ZFYVE26: variants seen among roughly 807,000 people sequenced by gnomAD.
ZFYVE26 encodes zinc finger FYVE-type containing 26.
In ZFYVE26, 181 loss-of-function variants were observed where a neutral mutation model predicts 276.5. The observed-to-expected ratio is 0.65, with a 90% confidence interval of 0.58 to 0.74. The LOEUF is 0.74. ZFYVE26 is among the 30% of genes least tolerant of loss of function. The pLI is 0.00. For synonymous variants in ZFYVE26, 1,129 were observed against 1,203.1 expected (o/e 0.94, Z 1.27); for missense variants, 2,821 against 3,097.9 (o/e 0.91, Z 2.12).
intron 13 of ZFYVE26, among the ~76,000 whole-genome samples, chr14:67,731,641 A>G (rs559157911): frequency 1.3e-5 from 2 of 152,178 alleles, no homozygotes; most frequent in South Asian, 4.1e-4. Flanking sequence ...TAATTAATAT[A>G]AAAATGTTAG....
chr14:67,753,373 G>A (rs940470538), intron 39 of ZFYVE26, among the ~76,000 whole-genome samples: 4 of 152,218 alleles, frequency 2.6e-5, no homozygotes, highest in Admixed American at 2.6e-4. Flanking sequence ...CTTGTGGCCA[G>A]TGGAAAGCCC....
At chr14:67,807,310 A>T in intron 5 of ZFYVE26, 88 bp downstream of exon 5, 1 of 1,580,472 alleles carries the variant, frequency 6.3e-7, no homozygotes, top group Non-Finnish European at 8.7e-7. Flanking sequence ...GTCCTGAGCC[A>T]CACGGAAGGC....
chr14:67,802,685 A>C (rs912342752), intron 9 of ZFYVE26, among the ~76,000 whole-genome samples: 5 of 152,164 alleles, frequency 3.3e-5, no homozygotes, highest in Non-Finnish European at 7.4e-5. Context: ...GATCAGACTT[A>C]AAATACTGTA....
chr14:67,805,386 T>A, intron 7 of ZFYVE26, 68 bp downstream of exon 7: 1 of 1,613,746 alleles, frequency 6.2e-7, no homozygotes, highest in Non-Finnish European at 8.5e-7. Flanking sequence ...GGGCTCTGCA[T>A]TCAGCCTAAG....
chr14:67,813,311 C>T (rs926208862), intron 3 of ZFYVE26, among the ~76,000 whole-genome samples: 2 of 152,112 alleles, frequency 1.3e-5, no homozygotes, highest in Admixed American at 1.3e-4. Flanking sequence ...TGTCCTTGGG[C>T]CAGTCATTTC....
At chr14:67,736,168 C>G (rs2038350384) in intron 13 of ZFYVE26, among the ~76,000 whole-genome samples, 1 of 152,188 alleles carries the variant, frequency 6.6e-6, no homozygotes, top group African/African-American at 2.4e-5. Context: ...AAGCGCCAAG[C>G]AACACCAGAC....
At position 67,752,405 on chromosome 14, in the gene ZFYVE26, T is replaced by C. The variant is rs1250416748; in HGVS notation, c.7310A>G (p.Lys2437Arg). 7 of 1,613,218 alleles carry C rather than the reference T, an allele frequency of 4.3e-6. No individual in the cohort carries two copies. Among genetic ancestry groups the C allele is most frequent in the Non-Finnish European group, 5.9e-6 (7 of 1,179,752 alleles). Residue 2437 changes from lysine (K) to arginine (R), a missense_variant, in exon 40 of 42, where the codon AAA (lysine) becomes AGA (arginine). Transcript: ENST00000347230. ...GAGGAGGATGGTGTCCCCGTCACTT[T>C]TGGCTGCCATGCCTGACTCACTGAC... ...KCVSESGMAA[K>R]SDGDTILLNC...
intron 35 of ZFYVE26, among the ~76,000 whole-genome samples, chr14:67,758,452 A>G (rs898375463): frequency 3.1e-4 from 47 of 152,112 alleles, no homozygotes; most frequent in African/African-American, 7.7e-4. Flanking sequence ...GAATATACAG[A>G]TAAGTAAAAT....
chr14:67,799,131 G>A lies in ZFYVE26; in HGVS notation c.1640-509C>T. Reference sequence around the variant, plus strand: ...GACCTAGACTAGGAGGCGTACTGGCGGCTACTCTTTAAAAAGATATCTTTA... The same window carrying A: ...GACCTAGACTAGGAGGCGTACTGGCAGCTACTCTTTAAAAAGATATCTTTA... On this transcript the variant is annotated intron_variant, in intron 10 of 41. Coordinates refer to ENST00000347230, the MANE Select transcript of ZFYVE26 (RefSeq NM_015346.4). The A allele has an allele frequency of 1.1e-5, 16 of 1,450,270 alleles. No individual in the cohort carries two copies. In the South Asian group the frequency reaches 1.3e-4, roughly 11 times the overall value. 89.8% of individuals were successfully genotyped at this position (1,450,270 alleles called of 1,614,324 possible).
At chr14:67,761,288 T>C (rs1272372791) in intron 35 of ZFYVE26, 78 bp downstream of exon 35, 2 of 1,347,056 alleles carry the variant, frequency 1.5e-6, no homozygotes, top group Non-Finnish European at 1.0e-6. Flanking sequence ...AGGGGGTTAT[T>C]GTCCCGCTTA....
In ZFYVE26 at chr14:67,775,972, C is replaced by T. The variant is rs2039330703; in HGVS notation, c.5109G>A (p.Gln1703=). The T allele has an allele frequency of 6.2e-7, 1 of 1,614,224 alleles. No homozygotes were observed. The change falls in exon 26 of 42, where the codon CAG becomes CAA. Residue 1703 remains glutamine, a synonymous_variant. Transcript: ENST00000347230. ...AGCCAATCTCCTGTCCAACCAGCAG[C>T]TGCTGGAGAGTCTGCACAGCCACAG... ...WATVAVQTLQ[Q]LLVGQEIGFT...
chr14:67,809,410 T>G (rs868313623), intron 3 of ZFYVE26, 121 bp from the exon 4 acceptor site: 1 of 425,124 alleles, frequency 2.4e-6, no homozygotes, highest in Non-Finnish European at 4.1e-6. Flanking sequence ...GAAGCACTCT[T>G]TTTTTTTTTT....
At chr14:67,780,495 A>C (rs1426207052) in intron 22 of ZFYVE26, 150 bp from the exon 23 acceptor site, 2 of 740,696 alleles carry the variant, frequency 2.7e-6, no homozygotes, top group Non-Finnish European at 4.7e-6. Context: ...CAAATTGGGC[A>C]AAGATTATTT....
intron 2 of ZFYVE26, among the ~76,000 whole-genome samples, chr14:67,814,651 C>T (rs749377286): frequency 6.6e-6 from 1 of 152,082 alleles, no homozygotes; most frequent in Non-Finnish European, 1.5e-5. Flanking sequence ...TTCGAGAAAA[C>T]CATAATAGCT....
At chr14:67,738,706 T>C (rs1642290529) in intron 13 of ZFYVE26, among the ~76,000 whole-genome samples, 1 of 152,176 alleles carries the variant, frequency 6.6e-6, no homozygotes, top group Non-Finnish European at 1.5e-5. Context: ...GAAGGATTAA[T>C]GGGAAATGAT....
chr14:67,803,566 C>T (rs890883486), intron 9 of ZFYVE26, among the ~76,000 whole-genome samples: 1 of 152,304 alleles, frequency 6.6e-6, no homozygotes, highest in East Asian at 1.9e-4. Flanking sequence ...TGGTCTTGAA[C>T]TCCTGACCTC....
At position 67,766,870 on chromosome 14, in the gene ZFYVE26, T is replaced by G. The variant is rs144401135; in HGVS notation, c.5791-423A>C. On this transcript the variant is annotated intron_variant, in intron 31 of 41. Transcript: ENST00000347230. Reference sequence around the variant, plus strand: ...TTGTGCCACCATGCCCGGCTAATTTTTGTATTTTTTTTTGTAGAGACGGGG... The same window carrying G: ...TTGTGCCACCATGCCCGGCTAATTTGTGTATTTTTTTTTGTAGAGACGGGG... Among the ~76,000 whole-genome samples, 211 of 152,184 alleles carry G rather than the reference T, an allele frequency of 1.4e-3. 1 individual carries two copies. The highest frequency in any genetic ancestry group is 4.9e-3 in the African/African-American group (203 of 41,524).
intron 16 of ZFYVE26, 28 bp from the exon 17 acceptor site, chr14:67,786,261 G>GAA: frequency 5.8e-6 from 3 of 516,328 alleles, no homozygotes; most frequent in African/African-American, 5.6e-5. Flanking sequence ...AAGAGGGAAT[G>GAA]CAAAAAAAAA....
In ZFYVE26 at chr14:67,775,631, T is replaced by C. The variant is rs113916190; in HGVS notation, c.5221+229A>G. On this transcript the variant is annotated intron_variant, in intron 26 of 41. Transcript: ENST00000347230. Reference sequence around the variant, plus strand: ...GCATATTTTGCTTTCCAAACCTTTATGTTATTATGTGCATGCAGTGGTTAT... The same window carrying C: ...GCATATTTTGCTTTCCAAACCTTTACGTTATTATGTGCATGCAGTGGTTAT... Among the ~76,000 whole-genome samples the C allele has an allele frequency of 1.4e-4, 22 of 152,336 alleles. No homozygotes were observed. The South Asian group carries it at 1.7e-3, about 11-fold the overall frequency.
Sources: gnomAD v4.1 joint callset for allele counts (sites outside exome capture counted in the v4.1 genomes callset) on GRCh38, gnomAD v4.1.1 for gene constraint, MANE v1.5 for transcripts, NCBI Gene and HGNC (gene_info 2026-07-23, HGNC 2026-07-21) for gene names.